STX8: variants seen among roughly 807,000 people sequenced by gnomAD.
The protein encoded by STX8 is syntaxin 8.
In STX8, 23 loss-of-function variants were observed where a neutral mutation model predicts 37.5. The ratio of observed to expected loss-of-function variants is 0.61; its 90% confidence interval spans 0.44 to 0.87. STX8 has a LOEUF of 0.87. Among genes scored for constraint, STX8 ranks in the 40% least tolerant of loss-of-function variants. The pLI, the probability that STX8 is intolerant of heterozygous loss-of-function variation, is 0.00. For missense variants in STX8, 313 were observed against 284.7 expected (o/e 1.10, Z -0.71); for synonymous variants, 115 against 99.1 (o/e 1.16, Z -0.95).
chr17:9,369,802 A>G (rs1911344385), intron 7 of STX8, among the ~76,000 whole-genome samples: 1 of 139,360 alleles, frequency 7.2e-6, no homozygotes, highest in South Asian at 2.6e-4. Context: ...CTCAGGTGGG[A>G]GGCTCACTTA....
At chr17:9,446,826 T>C (rs905142658) in intron 6 of STX8, among the ~76,000 whole-genome samples, 2 of 152,220 alleles carry the variant, frequency 1.3e-5, no homozygotes, top group African/African-American at 2.4e-5. Flanking sequence ...TGATGTTTCA[T>C]GTCACTGCCA....
rs539875245 is a variant in STX8 at position 9,335,034 on chromosome 17, C to T, written c.643+43518G>A. ...CTGGTCACCGCTTCGATCTGAGTCA[C>T]CCCTGGTCACCTGCTCTGACCTGAG... On this transcript the variant is annotated intron_variant, in intron 7 of 7. Transcript: ENST00000306357. Among the ~76,000 whole-genome samples, 7 of 152,292 alleles carry T rather than the reference C, an allele frequency of 4.6e-5. No homozygotes were observed. In the South Asian group the frequency reaches 8.3e-4, roughly 18 times the overall value.
chr17:9,416,100 C>T (rs1355951060), intron 6 of STX8, among the ~76,000 whole-genome samples: 10 of 152,192 alleles, frequency 6.6e-5, no homozygotes, highest in Non-Finnish European at 1.3e-4. Flanking sequence ...GCTGTGCTGA[C>T]GTGAAGGTTT....
At chr17:9,401,612 T>C (rs1912620517) in intron 6 of STX8, among the ~76,000 whole-genome samples, 1 of 152,220 alleles carries the variant, frequency 6.6e-6, no homozygotes. Context: ...ATGCCTCTCC[T>C]GTCTCAAATT....
At chr17:9,353,033 T>G (rs1439164783) in intron 7 of STX8, among the ~76,000 whole-genome samples, 1 of 151,992 alleles carries the variant, frequency 6.6e-6, no homozygotes, top group African/African-American at 2.4e-5. Context: ...CTGGGACTAC[T>G]GGCATGCACC....
chr17:9,524,611 T>A (rs1229743761), intron 4 of STX8, among the ~76,000 whole-genome samples: 1 of 152,198 alleles, frequency 6.6e-6, no homozygotes. Flanking sequence ...AGGGTGTCAA[T>A]GAATAATGCA....
At chr17:9,473,556 C>T (rs894023755) in intron 6 of STX8, among the ~76,000 whole-genome samples, 1 of 151,992 alleles carries the variant, frequency 6.6e-6, no homozygotes, top group Non-Finnish European at 1.5e-5. Context: ...ACTCATAATC[C>T]CTAATACAAT....
intron 6 of STX8, among the ~76,000 whole-genome samples, chr17:9,387,263 T>C (rs1342742313): frequency 1.3e-5 from 2 of 152,138 alleles, no homozygotes; most frequent in African/African-American, 4.8e-5. Context: ...TGAACACAGC[T>C]GAGTTTATAT....
intron 3 of STX8, chr17:9,553,271 C>G (rs1336649494): frequency 6.6e-6 from 1 of 152,170 alleles, no homozygotes; most frequent in African/African-American, 2.4e-5. Context: ...TCTCTGACTG[C>G]AAGACTTCGG....
At chr17:9,396,756 A>AC in intron 6 of STX8, among the ~76,000 whole-genome samples, 1 of 152,156 alleles carries the variant, frequency 6.6e-6, no homozygotes, top group African/African-American at 2.4e-5. Context: ...GTAAAGATAG[A>AC]CAGGTGACAT....
chr17:9,255,557 T>TATAAATATATAAATAA (rs1906762942), intron 7 of STX8, among the ~76,000 whole-genome samples: 1 of 109,818 alleles, frequency 9.1e-6, no homozygotes, highest in Non-Finnish European at 1.8e-5. Context: ...TAAATAAATA[T>TATAAATATATAAATAA]ATAAATAAAT....
intron 7 of STX8, among the ~76,000 whole-genome samples, chr17:9,348,467 A>ATATCATATACATATG (rs1430658851): frequency 0.1 from 15,074 of 151,442 alleles, 816 homozygotes; most frequent in Middle Eastern, 0.18. Context: ...TAGCCTATCC[A>ATATCATATACATATG]AACCATTCAT....
intron 7 of STX8, among the ~76,000 whole-genome samples, chr17:9,347,507 T>C (rs1910572353): frequency 6.6e-6 from 1 of 152,168 alleles, no homozygotes; most frequent in Admixed American, 6.5e-5. Context: ...CTACTACTTA[T>C]TCCAGAACTT....
intron 6 of STX8, among the ~76,000 whole-genome samples, chr17:9,421,624 T>G (rs1216551470): frequency 1.3e-5 from 2 of 151,480 alleles, no homozygotes; most frequent in Non-Finnish European, 2.9e-5. Context: ...TTGGCCAATT[T>G]AAACTGAACA....
At chr17:9,326,523 A>G (rs965193853) in intron 7 of STX8, among the ~76,000 whole-genome samples, 1 of 152,162 alleles carries the variant, frequency 6.6e-6, no homozygotes, top group Non-Finnish European at 1.5e-5. Context: ...TTATGTGGTC[A>G]GAGATGGTTT....
chr17:9,333,397 A>AT (rs953461675), intron 7 of STX8, among the ~76,000 whole-genome samples: 1 of 152,032 alleles, frequency 6.6e-6, no homozygotes, highest in African/African-American at 2.4e-5. Flanking sequence ...AACTTATTTT[A>AT]TTTTTTTTGA....
intron 7 of STX8, among the ~76,000 whole-genome samples, chr17:9,259,298 C>A (rs563723486): frequency 6.6e-6 from 1 of 152,106 alleles, no homozygotes; most frequent in Non-Finnish European, 1.5e-5. Flanking sequence ...GGTAACTCTC[C>A]CAACAATAAT....
intron 7 of STX8, among the ~76,000 whole-genome samples, chr17:9,319,919 T>C (rs1439056175): frequency 6.6e-6 from 1 of 151,818 alleles, no homozygotes; most frequent in Non-Finnish European, 1.5e-5. Flanking sequence ...CATTGCACTC[T>C]AGCCTGGGCA....
In STX8 at chr17:9,548,080, C is replaced by T. The variant is rs150114585; in HGVS notation, c.213-2798G>A. ...GGGATTACAAGCATGAGCCACTTCA[C>T]CTGACCTTATACATTCTTTCTTTAT... On this transcript the variant is annotated intron_variant, in intron 3 of 7. Coordinates refer to ENST00000306357, the MANE Select transcript of STX8 (RefSeq NM_004853.3). 3.1e-3 allele frequency among the ~76,000 whole-genome samples: 471 copies of T among 151,708 alleles called. 2 individuals carry two copies. The highest frequency in any genetic ancestry group is 0.011 in the African/African-American group (446 of 41,368).
Sources: gnomAD v4.1 joint callset for allele counts (sites outside exome capture counted in the v4.1 genomes callset) on GRCh38, gnomAD v4.1.1 for gene constraint, MANE v1.5 for transcripts, NCBI Gene and HGNC (gene_info 2026-07-23, HGNC 2026-07-21) for gene names.